Variants in DDX28 observed in about 807,000 individuals in gnomAD.
The protein encoded by DDX28 is DEAD-box helicase 28.
A neutral mutation model predicts 26.8 loss-of-function variants in DDX28; 25 were observed. The ratio of observed to expected loss-of-function variants is 0.93; its 90% CI spans 0.68 to 1.30. The LOEUF (loss-of-function observed/expected upper bound fraction) is 1.30, where lower values mean the gene tolerates loss of function less well. Among genes scored for constraint, DDX28 ranks in the 50% most tolerant of loss-of-function variants. The probability of loss-of-function intolerance (pLI) is 0.00; values close to 1 mark genes in which losing one functional copy is unlikely to be tolerated. For missense variants in DDX28, 790 were observed against 695.1 expected, an observed-to-expected ratio of 1.14 and a Z score of -1.53; for synonymous variants, 370 against 311.9, an observed-to-expected ratio of 1.19 and a Z score of -1.96.
At position 68,022,382 on chromosome 16, in the gene DDX28, A is replaced by C. The variant is rs763189612; in HGVS notation, c.821T>G (p.Leu274Arg). 1.4e-5 allele frequency: 23 copies of C among 1,614,050 alleles called. No individual in the cohort carries two copies. The highest frequency in any genetic ancestry group is 1.8e-5 in the Non-Finnish European group (21 of 1,180,038). ...GAAGGAGAGTTGCTCCAGACTGATC[A>C]GTCGACTTTTCAGGGCCTTCCACAG... ...GALWKALKSR[L>R]ISLEQLSFLV... Residue 274 changes from leucine to arginine, a missense_variant, in exon 1 of 1, where the codon CTG (leucine) becomes CGG (arginine). Transcript: ENST00000332395.
At position 68,022,507 on chromosome 16, in the gene DDX28, C is replaced by A; in HGVS notation, c.696G>T (p.Leu232=). ...VAQPLGRSLG[L]LVRDLEGGHG... is the part of the protein sequence containing the mutation. The stretch of plus-strand genomic sequence containing the variant: ...GGCCTCCCTCCAGGTCCCGCACCAG[C>A]AGGCCCAAGGAGCGGCCCAAGGGTT... The change falls in exon 1 of 1, where the codon CTG becomes CTT. Residue 232 remains leucine, a synonymous_variant. Transcript: ENST00000332395. The A allele has an allele frequency of 6.2e-7, 1 of 1,613,930 alleles. No homozygotes were observed. Among genetic ancestry groups the A allele is most frequent in the African/African-American group, 1.3e-5 (1 of 75,070 alleles).
In DDX28 at chr16:68,023,151, G is replaced by A. The variant is rs764262500; in HGVS notation, c.52C>T (p.Leu18=). 4.4e-6 allele frequency: 7 copies of A among 1,607,610 alleles called. No homozygotes were observed. In the East Asian group the frequency reaches 1.1e-4, roughly 26 times the overall value. ...ACCGTGAGGCCCCGTCGCGGCGCCA[G>A]GAGCAACCGAGTCACGAGGGAAAAG... ...RLFSLVTRLL[L]APRRGLTVRS... The change falls in exon 1 of 1, where the codon CTG becomes TTG. Residue 18 remains leucine (L), a synonymous_variant. Coordinates refer to ENST00000332395, the MANE Select transcript of DDX28 (RefSeq NM_018380.4).
Position 68,022,676 on chromosome 16 carries a change from C to T in DDX28, c.527G>A (p.Ser176Asn). The T allele has an allele frequency of 6.2e-7, 1 of 1,613,250 alleles. No individual in the cohort carries two copies. The highest frequency in any genetic ancestry group is 8.5e-7 in the Non-Finnish European group (1 of 1,179,962). The stretch of plus-strand genomic sequence containing the variant: ...CAGGAGGTAGCTGAGAGTCTTGCCA[C>T]TGCCGGTTTCTGCGGCGCAAACGAC... ...RHVVCAAETG[S>N]GKTLSYLLPL... Residue 176 changes from serine (S) to asparagine (N), a missense_variant, in exon 1 of 1, where the codon AGT (serine) becomes AAT (asparagine). Coordinates refer to ENST00000332395, the MANE Select transcript of DDX28 (RefSeq NM_018380.4).
In DDX28 at chr16:68,022,948, G is replaced by A. The variant is rs553471941; in HGVS notation, c.255C>T (p.Gly85=). ...ELNQPARLTL[G]RWERAPLASQ... ...AGGCTAGCGGCGCGCGCTCCCAACG[G>A]CCCAGTGTGAGGCGCGCCGGCTGGT... Residue 85 remains glycine, a synonymous_variant, in exon 1 of 1, where the codon GGC becomes GGT. Coordinates refer to ENST00000332395, the MANE Select transcript of DDX28 (RefSeq NM_018380.4). The A allele has an allele frequency of 8.2e-5, 127 of 1,551,762 alleles. No individual in the cohort carries two copies. In the African/African-American group the frequency reaches 1.6e-3, roughly 19 times the overall value.
rs762363062 is a variant in DDX28, at chr16:68,022,871, C to A, written c.332G>T (p.Arg111Leu). ...CACCGCTGGCGCCTCCTGTTGCGCGCGCTCGATGGAGAAGTGGTCCCGACG... is the reference window on the plus strand; with the variant it reads ...CACCGCTGGCGCCTCCTGTTGCGCGAGCTCGATGGAGAAGTGGTCCCGACG... ...RARRDHFSIE[R>L]AQQEAPAVRK... is the part of the protein sequence containing the mutation. Residue 111 changes from arginine (R) to leucine (L), a missense_variant, in exon 1 of 1, where the codon CGC (arginine) becomes CTC (leucine). By Grantham distance (102) the Arg-to-Leu change is moderately radical (BLOSUM62 -2). Coordinates refer to ENST00000332395, the MANE Select transcript of DDX28 (RefSeq NM_018380.4). 1.3e-6 allele frequency: 2 copies of A among 1,571,556 alleles called. No homozygotes were observed. The highest frequency in any genetic ancestry group is 1.1e-5 in the South Asian group (1 of 86,986).
In DDX28 at chr16:68,021,107, T is replaced by C. The variant is rs1160146298; in HGVS notation, c.*473A>G. Reference sequence around the variant, plus strand: ...TGGGCATTGTTAGAGAGTAACTCTGTCTACTGCTAGTCACATTTCCTTTCC... The same window carrying C: ...TGGGCATTGTTAGAGAGTAACTCTGCCTACTGCTAGTCACATTTCCTTTCC... On this transcript the variant is annotated 3_prime_UTR_variant, in exon 1 of 1. Coordinates refer to ENST00000332395, the MANE Select transcript of DDX28 (RefSeq NM_018380.4). Among the ~76,000 whole-genome samples, 1 of 151,732 alleles carries C rather than the reference T, an allele frequency of 6.6e-6. No individual in the cohort carries two copies. Among genetic ancestry groups the C allele is most frequent in the African/African-American group, 2.4e-5 (1 of 41,288 alleles).
rs774037563 is a variant in DDX28 at position 68,022,667 on chromosome 16, G to C, written c.536C>G (p.Thr179Ser). The C allele has an allele frequency of 4.3e-6, 7 of 1,613,112 alleles. No individual in the cohort carries two copies. The highest frequency in any genetic ancestry group is 5.1e-6 in the Non-Finnish European group (6 of 1,179,974). ...VCAAETGSGK[T>S]LSYLLPLLQR... ...AAGCAGCGGCAGGAGGTAGCTGAGA[G>C]TCTTGCCACTGCCGGTTTCTGCGGC... Residue 179 changes from threonine (T) to serine (S), a missense_variant, in exon 1 of 1, where the codon ACT becomes AGT. Thr to Ser is a moderately conservative substitution (Grantham distance 58). Coordinates refer to ENST00000332395, the MANE Select transcript of DDX28 (RefSeq NM_018380.4).
rs1420578900 is a variant in DDX28, at chr16:68,021,809, C to T, written c.1394G>A (p.Gly465Asp). The change falls in exon 1 of 1, where the codon GGT becomes GAT. Residue 465 changes from glycine (G) to aspartate (D), a missense_variant. Gly to Asp is a moderately conservative substitution (Grantham distance 94). Transcript: ENST00000332395. ...DIASRGLDST[G>D]VELVVNYDFP... ...ATCATAATTGACAACCAGCTCCACA[C>T]CAGTGCTGTCCAGGCCCCGAGAGGC... 3.1e-6 allele frequency: 5 copies of T among 1,614,180 alleles called. No homozygotes were observed. In the East Asian group the frequency reaches 6.7e-5, roughly 22 times the overall value.
Position 68,022,458 on chromosome 16 carries a change from G to A in DDX28, c.745C>T (p.Gln249Ter). 1 of 1,613,888 alleles carries A rather than the reference G, an allele frequency of 6.2e-7. No homozygotes were observed. ...TCTGCTGAAGGCTGTCTGGACAGCT[G>A]CAGCCTGATCCTACGCATGCCGTGG... ...GGHGMRRIRL[Q>*]LSRQPSADVL... Residue 249 changes from glutamine (Q) to a stop codon, truncating the protein, a stop_gained, in exon 1 of 1, where the codon CAG (glutamine) becomes TAG (stop). Transcript: ENST00000332395. LOFTEE classifies it high-confidence loss of function.
In DDX28 at chr16:68,021,450, A is replaced by T. The variant is rs2033236632; in HGVS notation, c.*130T>A. The T allele has an allele frequency of 4.3e-6, 4 of 938,970 alleles. No homozygotes were observed. The highest frequency in any genetic ancestry group is 4.7e-6 in the Non-Finnish European group (3 of 636,818). The allele number at this position is 938,970 out of a possible 1,614,324, so 58.2% of individuals were successfully genotyped here. On this transcript the variant is annotated 3_prime_UTR_variant, in exon 1 of 1. Coordinates refer to ENST00000332395, the MANE Select transcript of DDX28 (RefSeq NM_018380.4). ...AGCAGCGTACCTTTCCAAGTCACAA[A>T]GCAGTTCATCCCGCCCTCAAGGAGC...
Position 68,021,516 on chromosome 16 carries a change from A to G in DDX28, c.*64T>C. Reference sequence around the variant, plus strand: ...GAGCCTCCCACTGACAAGTGTGGTCACCCACTCAAGATACTGGGAAAGATC... The same window carrying G: ...GAGCCTCCCACTGACAAGTGTGGTCGCCCACTCAAGATACTGGGAAAGATC... On this transcript the variant is annotated 3_prime_UTR_variant, in exon 1 of 1. Coordinates refer to ENST00000332395, the MANE Select transcript of DDX28 (RefSeq NM_018380.4). The G allele has an allele frequency of 6.5e-7, 1 of 1,540,166 alleles. No homozygotes were observed. Among genetic ancestry groups the G allele is most frequent in the South Asian group, 1.3e-5 (1 of 79,758 alleles).
Position 68,021,901 on chromosome 16 carries a change from C to T in DDX28, c.1302G>A (p.Leu434=). 1 of 1,614,162 alleles carries T rather than the reference C, an allele frequency of 6.2e-7. No homozygotes were observed. Among genetic ancestry groups the T allele is most frequent in the East Asian group, 2.2e-5 (1 of 44,888 alleles). ...HLRLQGQMPA[L]MRVGIFQSFQ... ...AGGACTGGAAGATTCCTACCCTCATCAAGGCTGGCATTTGCCCCTGCAACC... is the reference window on the plus strand; with the variant it reads ...AGGACTGGAAGATTCCTACCCTCATTAAGGCTGGCATTTGCCCCTGCAACC... Residue 434 remains leucine (L), a synonymous_variant, in exon 1 of 1, where the codon TTG becomes TTA. Transcript: ENST00000332395.
chr16:68,022,218 C>A lies in DDX28; in HGVS notation c.985G>T (p.Val329Leu). The change falls in exon 1 of 1, where the codon GTA (valine) becomes TTA (leucine). Residue 329 changes from valine (V) to leucine (L), a missense_variant. Val to Leu is a conservative substitution (Grantham distance 32). Coordinates refer to ENST00000332395, the MANE Select transcript of DDX28 (RefSeq NM_018380.4). ...PFNPKAQLVL[V>L]GATFPEGVGQ... ...ACACCTTCGGGAAATGTGGCTCCTA[C>A]CAGCACTAACTGAGCTTTGGGATTG... is the stretch of plus-strand genomic sequence containing the variant. The A allele has an allele frequency of 6.2e-7, 1 of 1,614,230 alleles. No individual in the cohort carries two copies. Among genetic ancestry groups the A allele is most frequent in the Non-Finnish European group, 8.5e-7 (1 of 1,180,050 alleles).
At position 68,022,464 on chromosome 16, in the gene DDX28, T is replaced by C. The variant is rs1426615752; in HGVS notation, c.739A>G (p.Arg247Gly). The change falls in exon 1 of 1, where the codon AGG becomes GGG. Residue 247 changes from arginine to glycine, a missense_variant. Coordinates refer to ENST00000332395, the MANE Select transcript of DDX28 (RefSeq NM_018380.4). ...GAAGGCTGTCTGGACAGCTGCAGCC[T>C]GATCCTACGCATGCCGTGGCCTCCC... is the stretch of plus-strand genomic sequence containing the variant. ...LEGGHGMRRI[R>G]LQLSRQPSAD... The C allele has an allele frequency of 6.2e-7, 1 of 1,613,900 alleles. No individual in the cohort carries two copies. Among genetic ancestry groups the C allele is most frequent in the Non-Finnish European group, 8.5e-7 (1 of 1,180,024 alleles).
Position 68,022,134 on chromosome 16 carries a change from T to C in DDX28, c.1069A>G (p.Lys357Glu). The C allele has an allele frequency of 1.2e-6, 2 of 1,614,172 alleles. No homozygotes were observed. The highest frequency in any genetic ancestry group is 1.3e-5 in the African/African-American group (1 of 75,048). Residue 357 changes from lysine to glutamate, a missense_variant, in exon 1 of 1, where the codon AAG becomes GAG. Transcript: ENST00000332395. ...PDAVTTITSS[K>E]LHCIMPHVKQ... ...ACATGAGGCATGATACAGTGGAGCTTGGAGCTGGTGATGGTGGTGACAGCA... is the reference window on the plus strand; with the variant it reads ...ACATGAGGCATGATACAGTGGAGCTCGGAGCTGGTGATGGTGGTGACAGCA...
chr16:68,022,665 G>C lies in DDX28; in HGVS notation c.538C>G (p.Leu180Val), dbSNP rs369913237. ...CAAETGSGKT[L>V]SYLLPLLQRL... ...TGAAGCAGCGGCAGGAGGTAGCTGA[G>C]AGTCTTGCCACTGCCGGTTTCTGCG... is the stretch of plus-strand genomic sequence containing the variant. The change falls in exon 1 of 1, where the codon CTC (leucine) becomes GTC (valine). Residue 180 changes from leucine (L) to valine (V), a missense_variant. Transcript: ENST00000332395. The C allele has an allele frequency of 1.6e-5, 26 of 1,613,262 alleles. No homozygotes were observed. Among genetic ancestry groups the C allele is most frequent in the East Asian group, 2.2e-5 (1 of 44,882 alleles).
In DDX28 at chr16:68,021,777, G is replaced by C. The variant is rs1374036833; in HGVS notation, c.1426C>G (p.Pro476Ala). 6.2e-7 allele frequency: 1 copy of C among 1,614,152 alleles called. No homozygotes were observed. The highest frequency in any genetic ancestry group is 1.1e-5 in the South Asian group (1 of 91,078). ...CTGTGGATGTAATCTTGCAGCGTTG[G>C]GGGGAAATCATAATTGACAACCAGC... ...VELVVNYDFP[P>A]TLQDYIHRAG... Residue 476 changes from proline to alanine, a missense_variant, in exon 1 of 1, where the codon CCA becomes GCA. Physicochemically the swap from Pro to Ala is conservative, Grantham distance 27. Transcript: ENST00000332395.
rs780044099 is a variant in DDX28 at position 68,023,091 on chromosome 16, T to C, written c.112A>G (p.Ile38Val). 4.4e-6 allele frequency: 7 copies of C among 1,602,390 alleles called. No homozygotes were observed. The highest frequency in any genetic ancestry group is 1.3e-5 in the African/African-American group (1 of 75,012). The change falls in exon 1 of 1, where the codon ATC becomes GTC. Residue 38 changes from isoleucine (I) to valine (V), a missense_variant. Transcript: ENST00000332395. ...AACTGCCGCTGTAGAGCCACTGGGA[T>C]GCGCACCACCGGCAGGGGTTCGTCG... ...SPDEPLPVVR[I>V]PVALQRQLEQ...
chr16:68,021,364 C>G lies in DDX28; in HGVS notation c.*216G>C. The stretch of plus-strand genomic sequence containing the variant: ...TGACATGATACAAAGTCAAAATCCA[C>G]TTGTGTCTTGCTAAAGACTACAGAA... On this transcript the variant is annotated 3_prime_UTR_variant, in exon 1 of 1. Coordinates refer to ENST00000332395, the MANE Select transcript of DDX28 (RefSeq NM_018380.4). The G allele has an allele frequency of 1.7e-6, 1 of 575,956 alleles. No homozygotes were observed. 35.7% of individuals were successfully genotyped at this position (575,956 alleles called of 1,614,324 possible). A position where few individuals can be genotyped will look rare whatever the true frequency, so the allele number is the denominator to read the frequency against.
Sources: gnomAD v4.1 joint callset for allele counts (sites outside exome capture counted in the v4.1 genomes callset) on GRCh38, gnomAD v4.1.1 for gene constraint, MANE v1.5 for transcripts, NCBI Gene and HGNC (gene_info 2026-07-23, HGNC 2026-07-21) for gene names.